The following AMPH variants were observed in gnomAD, a reference collection of about 807,000 sequenced individuals.
AMPH encodes amphiphysin, also known as amphiphysin (Stiff-Mann syndrome with breast cancer 128kD autoantigen).
AMPH carries 49 observed loss-of-function variants against 99.1 expected under a neutral mutation model. The ratio of observed to expected loss-of-function variants is 0.49; its 90% confidence interval spans 0.39 to 0.63. The LOEUF (loss-of-function observed/expected upper bound fraction) is 0.63, where lower values mean the gene tolerates loss of function less well. AMPH is among the 20% of genes least tolerant of loss of function. The pLI, the probability that AMPH is intolerant of heterozygous loss-of-function variation, is 0.00. For missense variants in AMPH, 759 were observed against 863.4 expected, an observed-to-expected ratio of 0.88 and a Z score of 1.52; for synonymous variants, 314 against 317.3, an observed-to-expected ratio of 0.99 and a Z score of 0.11.
At chr7:38,602,484 C>A (rs1793282987) in intron 1 of AMPH, among the ~76,000 whole-genome samples, 1 of 152,144 alleles carries the variant, frequency 6.6e-6, no homozygotes, top group Admixed American at 6.6e-5. Context: ...CTGAAGGCTG[C>A]CCATATTCCT....
intron 2 of AMPH, among the ~76,000 whole-genome samples, chr7:38,521,376 T>C (rs1043883393): frequency 2.0e-5 from 3 of 151,924 alleles, no homozygotes; most frequent in African/African-American, 2.4e-5. Context: ...CAAAAATTAG[T>C]CAGGCGTGGT....
intron 9 of AMPH, chr7:38,464,225 G>T: frequency 1.1e-6 from 1 of 923,938 alleles, no homozygotes; most frequent in South Asian, 1.4e-5. Flanking sequence ...TCATTTCCAT[G>T]TAAGGGAACA....
chr7:38,525,363 A>G (rs1790143213), intron 2 of AMPH, among the ~76,000 whole-genome samples: 1 of 147,172 alleles, frequency 6.8e-6, no homozygotes, highest in Non-Finnish European at 1.5e-5. Context: ...ACATTTTACA[A>G]AATTATTGTA....
chr7:38,625,442 A>G (rs1264259248), intron 1 of AMPH, among the ~76,000 whole-genome samples: 1 of 152,242 alleles, frequency 6.6e-6, no homozygotes, highest in African/African-American at 2.4e-5. Context: ...AAAAACAAAA[A>G]GCTGCATGAA....
intron 11 of AMPH, among the ~76,000 whole-genome samples, chr7:38,438,990 A>G (rs757973348): frequency 6.6e-6 from 1 of 152,206 alleles, no homozygotes; most frequent in Non-Finnish European, 1.5e-5. Context: ...CAAGGGAGGA[A>G]CCTGGTGAGA....
At chr7:38,531,734 C>A (rs1473297974) in intron 2 of AMPH, among the ~76,000 whole-genome samples, 3 of 152,108 alleles carry the variant, frequency 2.0e-5, no homozygotes, top group Non-Finnish European at 4.4e-5. Context: ...TGAGTGTGGT[C>A]AGGGGACTAT....
intron 2 of AMPH, among the ~76,000 whole-genome samples, chr7:38,525,277 T>TATAGAGAGAGAGAG (rs1481528083): frequency 1.5e-4 from 13 of 86,652 alleles, no homozygotes; most frequent in Admixed American, 9.8e-4. Flanking sequence ...TATATATATA[T>TATAGAGAGAGAGAG]AGAGAGAGAG....
At chr7:38,491,295 A>T in intron 4 of AMPH, 150 bp from the exon 5 acceptor site, 1 of 602,102 alleles carries the variant, frequency 1.7e-6, no homozygotes, top group Non-Finnish European at 2.9e-6. Flanking sequence ...TTAATAATGC[A>T]ATAAAATTTT....
chr7:38,410,777 T>A (rs972685418), intron 17 of AMPH, among the ~76,000 whole-genome samples: 1 of 152,128 alleles, frequency 6.6e-6, no homozygotes, highest in African/African-American at 2.4e-5. Flanking sequence ...TTCAAATACA[T>A]CCCCTTTGAA....
chr7:38,398,196 C>CA (rs1315594490), intron 17 of AMPH, among the ~76,000 whole-genome samples: 873 of 83,890 alleles, frequency 0.01, 5 homozygotes, highest in African/African-American at 0.032. Flanking sequence ...AAAAAAAAAA[C>CA]AAAAAAAAAA....
intron 11 of AMPH, among the ~76,000 whole-genome samples, chr7:38,459,300 C>T (rs539946900): frequency 1.6e-4 from 24 of 152,054 alleles, no homozygotes; most frequent in Non-Finnish European, 2.7e-4. Context: ...TACAATGCAA[C>T]GCCTACCAAA....
intron 2 of AMPH, among the ~76,000 whole-genome samples, chr7:38,526,303 T>A (rs73122278): frequency 0.035 from 5,243 of 151,228 alleles, 133 homozygotes; most frequent in Non-Finnish European, 0.053. Context: ...AGAGTCTCAC[T>A]CCGTCACCCA....
chr7:38,488,088 C>A (rs888948722), intron 5 of AMPH, among the ~76,000 whole-genome samples: 1 of 152,060 alleles, frequency 6.6e-6, no homozygotes, highest in Non-Finnish European at 1.5e-5. Flanking sequence ...AGTGTAAATT[C>A]GTTCAACCAT....
intron 2 of AMPH, among the ~76,000 whole-genome samples, chr7:38,530,730 T>C (rs141376226): frequency 6.6e-6 from 1 of 152,298 alleles, no homozygotes; most frequent in African/African-American, 2.4e-5. Context: ...CATTAACAGA[T>C]CTGTCAGCAG....
intron 1 of AMPH, among the ~76,000 whole-genome samples, chr7:38,535,301 C>T (rs1022574120): frequency 6.6e-6 from 1 of 152,100 alleles, no homozygotes; most frequent in Non-Finnish European, 1.5e-5. Context: ...GCAGGCTGTG[C>T]GTGACTTAGA....
intron 2 of AMPH, among the ~76,000 whole-genome samples, chr7:38,525,352 G>A (rs1790141074): frequency 1.4e-5 from 2 of 145,204 alleles, no homozygotes; most frequent in Non-Finnish European, 1.5e-5. Flanking sequence ...CCTTCACAGC[G>A]ACATTTTACA....
chr7:38,529,575 A>G (rs901113073), intron 2 of AMPH, among the ~76,000 whole-genome samples: 2 of 152,232 alleles, frequency 1.3e-5, no homozygotes, highest in African/African-American at 4.8e-5. Flanking sequence ...AAAACTTGCC[A>G]GCTTAGGTTC....
At chr7:38,432,463 A>C (rs1181891410) in intron 12 of AMPH, among the ~76,000 whole-genome samples, 1 of 152,178 alleles carries the variant, frequency 6.6e-6, no homozygotes, top group Non-Finnish European at 1.5e-5. Context: ...AATTTTACAT[A>C]ATTGTATTAT....
intron 17 of AMPH, among the ~76,000 whole-genome samples, chr7:38,395,205 A>G (rs1784633716): frequency 6.8e-6 from 1 of 147,220 alleles, no homozygotes. Context: ...AGGTTCCAGA[A>G]GCCAAATCAC....
Sources: gnomAD v4.1 joint callset for allele counts (sites outside exome capture counted in the v4.1 genomes callset) on GRCh38, gnomAD v4.1.1 for gene constraint, MANE v1.5 for transcripts, NCBI Gene and HGNC (gene_info 2026-07-23, HGNC 2026-07-21) for gene names.